Variants in ARSF observed in about 807,000 individuals in gnomAD.
ARSF encodes arylsulfatase F.
ARSF carries 33 observed loss-of-function variants against 35.4 expected under a neutral mutation model. The observed-to-expected ratio is 0.93, with a 90% confidence interval of 0.71 to 1.25. The LOEUF (loss-of-function observed/expected upper bound fraction) is 1.25. Ranked by LOEUF, ARSF falls within the 50% of genes most tolerant of loss-of-function variation. The probability of loss-of-function intolerance (pLI) is 0.00; values close to 1 mark genes in which losing one functional copy is unlikely to be tolerated. For missense variants in ARSF, 501 were observed against 480.2 expected (o/e 1.04, Z -0.40); for synonymous variants, 222 against 193.1 (o/e 1.15, Z -1.24).
chrX:3,101,043 T>A (rs1476850522), intron 7 of ARSF, 44 bp from the exon 8 acceptor site: 1 of 1,175,887 alleles, frequency 8.5e-7, no homozygotes, highest in Non-Finnish European at 1.2e-6. Flanking sequence ...GTGAAATACC[T>A]CATAATGTCA....
In ARSF at chrX:3,103,914, C is replaced by G; in HGVS notation, c.1255C>G (p.Pro419Ala). ...TVASVSGGSL[P>A]QDRVIDGRDL... ...CGCATCAGTGTCAGGAGGAAGTCTC[C>G]CTCAGGACAGGTGATGTCATATAAA... The change falls in exon 9 of 11, where the codon CCT becomes GCT. Residue 419 changes from proline to alanine, a missense_variant. Transcript: ENST00000381127. 1 of 1,210,418 alleles carries G rather than the reference C, an allele frequency of 8.3e-7. No individual in the cohort carries two copies. The highest frequency in any genetic ancestry group is 1.1e-6 in the Non-Finnish European group (1 of 894,890).
At chrX:3,079,730 A>C (rs1265547727) in intron 4 of ARSF, among the ~76,000 whole-genome samples, 1 of 107,897 alleles carries the variant, frequency 9.3e-6, no homozygotes, top group African/African-American at 3.4e-5. Flanking sequence ...GAAGCTGAGG[A>C]GGGCAGATCA....
chrX:3,094,800 C>CAT (rs943257157), intron 7 of ARSF, among the ~76,000 whole-genome samples: 4 of 107,429 alleles, frequency 3.7e-5, no homozygotes, highest in African/African-American at 1.0e-4. Context: ...ATTTCTATGT[C>CAT]ATATATATAT....
intron 10 of ARSF, 93 bp downstream of exon 10, chrX:3,110,345 G>T (rs1436250012): frequency 9.9e-6 from 9 of 912,767 alleles, no homozygotes; most frequent in Non-Finnish European, 1.1e-5. Context: ...CTCTAGACCG[G>T]TCCTTTCATT....
chrX:3,078,100 G>A (rs1490254050), intron 4 of ARSF, among the ~76,000 whole-genome samples: 4 of 109,956 alleles, frequency 3.6e-5, no homozygotes, highest in African/African-American at 6.6e-5. Context: ...CACCGCACCC[G>A]GCCATATATC....
At chrX:3,056,369 G>C (rs1289176977) in intron 1 of ARSF, among the ~76,000 whole-genome samples, 2 of 105,952 alleles carry the variant, frequency 1.9e-5, no homozygotes, top group African/African-American at 6.9e-5. Flanking sequence ...TCTGCCTCCC[G>C]GGTTCAAGTG....
At position 3,076,600 on chromosome X, in the gene ARSF, A is replaced by T. The variant is rs773922083; in HGVS notation, c.214A>T (p.Ile72Phe). ...AREGVRLTQHISAASLCSPSR... is the reference protein window; with the variant it reads ...AREGVRLTQHFSAASLCSPSR... ...GGAAGGCGTGCGACTGACTCAGCAC[A>T]TCTCTGCCGCCTCCCTCTGCAGCCC... Residue 72 changes from isoleucine to phenylalanine, a missense_variant, in exon 4 of 11, where the codon ATC becomes TTC. By Grantham distance (21) the Ile-to-Phe change is conservative. Coordinates refer to ENST00000381127, the MANE Select transcript of ARSF (RefSeq NM_001201539.2). The T allele has an allele frequency of 5.0e-6, 6 of 1,210,615 alleles. No homozygotes were observed. The East Asian group carries it at 1.8e-4, about 36-fold the overall frequency.
chrX:3,099,571 T>C (rs2147536891), intron 7 of ARSF, among the ~76,000 whole-genome samples: 1 of 111,897 alleles, frequency 8.9e-6, no homozygotes, highest in African/African-American at 3.2e-5. Flanking sequence ...CTCAATCCAG[T>C]AGACAAGTAA....
chrX:3,045,971 C>T (rs1175672463), intron 1 of ARSF, among the ~76,000 whole-genome samples: 1 of 110,710 alleles, frequency 9.0e-6, no homozygotes, highest in East Asian at 2.8e-4. Context: ...CAACCTCTGC[C>T]TCCCGAGTTC....
intron 1 of ARSF, among the ~76,000 whole-genome samples, chrX:3,046,218 A>G (rs2096321611): frequency 9.0e-6 from 1 of 111,598 alleles, no homozygotes; most frequent in African/African-American, 3.3e-5. Context: ...GGTGACAAAG[A>G]AAAGGGAAGA....
At chrX:3,062,052 G>A (rs2090044138) in intron 1 of ARSF, among the ~76,000 whole-genome samples, 1 of 111,722 alleles carries the variant, frequency 9.0e-6, no homozygotes, top group Non-Finnish European at 1.9e-5. Flanking sequence ...ATAGTTGGAA[G>A]TAAAGCACTC....
At chrX:3,074,844 A>T in intron 3 of ARSF, among the ~76,000 whole-genome samples, 1 of 110,681 alleles carries the variant, frequency 9.0e-6, no homozygotes, top group East Asian at 2.8e-4. Context: ...CCTTTAACCT[A>T]CCTGTTCTCG....
chrX:3,079,970 CAAAA>C (rs1224175073), intron 4 of ARSF, among the ~76,000 whole-genome samples: 1 of 28,408 alleles, frequency 3.5e-5, no homozygotes, highest in African/African-American at 1.6e-4. Flanking sequence ...ACAACAACAA[CAAAA>C]AAAAAAAAAA....
intron 1 of ARSF, among the ~76,000 whole-genome samples, chrX:3,045,359 C>T (rs767848117): frequency 1.9e-4 from 21 of 111,095 alleles, no homozygotes; most frequent in Admixed American, 4.8e-4. Context: ...TGCAGCAGAG[C>T]GGGGTCCTGG....
chrX:3,106,731 G>A (rs191718034), intron 9 of ARSF, among the ~76,000 whole-genome samples: 3 of 112,419 alleles, frequency 2.7e-5, no homozygotes, highest in Non-Finnish European at 3.8e-5. Flanking sequence ...CAGAGATCCT[G>A]AACAAGAGTG....
At chrX:3,078,282 C>T (rs1211712427) in intron 4 of ARSF, among the ~76,000 whole-genome samples, 1 of 110,205 alleles carries the variant, frequency 9.1e-6, no homozygotes, top group African/African-American at 3.3e-5. Context: ...CTCAACCTTC[C>T]AGGCTCAGGT....
chrX:3,110,238 TC>T lies in ARSF; in HGVS notation c.1380del (p.Lys461ArgfsTer13). 1 of 1,184,044 alleles carries T rather than the reference TC, an allele frequency of 8.4e-7. No individual in the cohort carries two copies. The highest frequency in any genetic ancestry group is 1.9e-5 in the South Asian group (1 of 51,722). ...CGSYLHAVRW[I>X]PKDDSGSVWK... ...TCCTACCTGCACGCCGTGCGGTGGA[TC>T]CCCAAGGACGACAGTGAGTGCTCAA... is the stretch of plus-strand genomic sequence containing the variant. On this transcript the variant is annotated frameshift_variant, in exon 10 of 11. Transcript: ENST00000381127. LOFTEE classifies it low-confidence loss of function (END_TRUNC).
At chrX:3,075,598 C>A (rs2090140607) in intron 3 of ARSF, among the ~76,000 whole-genome samples, 1 of 107,371 alleles carries the variant, frequency 9.3e-6, no homozygotes, top group Non-Finnish European at 1.9e-5. Flanking sequence ...TTGTCTATCT[C>A]ATTCTATCCA....
At position 3,076,585 on chromosome X, in the gene ARSF, C is replaced by T. The variant is rs770257408; in HGVS notation, c.199C>T (p.Arg67Ter). 2.5e-6 allele frequency: 3 copies of T among 1,209,706 alleles called. No homozygotes were observed. Among genetic ancestry groups the T allele is most frequent in the Non-Finnish European group, 3.4e-6 (3 of 894,692 alleles). The change falls in exon 4 of 11, where the codon CGA becomes TGA. Residue 67 changes from arginine to a stop codon, truncating the protein, a stop_gained. Coordinates refer to ENST00000381127, the MANE Select transcript of ARSF (RefSeq NM_001201539.2). LOFTEE classifies it high-confidence loss of function. ...CGACCGCCTTGCCAGGGAAGGCGTG[C>T]GACTGACTCAGCACATCTCTGCCGC... ...HIDRLAREGV[R>*]LTQHISAASL...
Sources: gnomAD v4.1 joint callset for allele counts (sites outside exome capture counted in the v4.1 genomes callset) on GRCh38, gnomAD v4.1.1 for gene constraint, MANE v1.5 for transcripts, NCBI Gene and HGNC (gene_info 2026-07-23, HGNC 2026-07-21) for gene names.